The following OTUD7A variants were observed in gnomAD, a reference collection of about 807,000 sequenced individuals.
OTUD7A encodes OTU domain-containing protein 7A.
OTUD7A carries 12 observed loss-of-function variants against 65.7 expected under a neutral mutation model. The observed-to-expected ratio is 0.18, with a 90% CI of 0.12 to 0.30. The LOEUF (loss-of-function observed/expected upper bound fraction) is 0.30. Ranked by LOEUF, OTUD7A falls within the 10% of genes least tolerant of loss-of-function variation. The probability of loss-of-function intolerance (pLI) is 1.00; values close to 1 mark genes in which losing one functional copy is unlikely to be tolerated. For synonymous variants in OTUD7A, 641 were observed against 586.3 expected (o/e 1.09, Z -1.35); for missense variants, 1,148 against 1,304.8 (o/e 0.88, Z 1.85).
intron 1 of OTUD7A, among the ~76,000 whole-genome samples, chr15:31,773,817 A>G: frequency 6.6e-6 from 1 of 152,102 alleles, no homozygotes; most frequent in East Asian, 1.9e-4. Flanking sequence ...TAAATGCTCC[A>G]CTCCTCAAAA....
chr15:31,518,957 C>A (rs1438930464), intron 8 of OTUD7A, among the ~76,000 whole-genome samples: 3 of 152,238 alleles, frequency 2.0e-5, no homozygotes, highest in African/African-American at 7.2e-5. Flanking sequence ...ACGGGGGCCT[C>A]CCAGTGCTTC....
intron 1 of OTUD7A, among the ~76,000 whole-genome samples, chr15:31,745,086 T>C (rs890025487): frequency 2.6e-5 from 4 of 152,122 alleles, no homozygotes; most frequent in East Asian, 1.9e-4. Flanking sequence ...ATTACATTCA[T>C]AGATTCAAAA....
In OTUD7A at chr15:31,487,302, T is replaced by G. The variant is rs372307461; in HGVS notation, c.1287-24A>C. 4 of 1,611,982 alleles carry G rather than the reference T, an allele frequency of 2.5e-6. No individual in the cohort carries two copies. Among genetic ancestry groups the G allele is most frequent in the Non-Finnish European group, 3.4e-6 (4 of 1,178,290 alleles). On this transcript the variant is annotated intron_variant, in intron 11 of 12. Transcript: ENST00000307050. The surrounding 1 kb of genome is among the most constrained non-coding windows in gnomAD (Gnocchi z 6.0). ...GGCTGGCAAGAGAAGAATATCCTAT[T>G]GAAATGGTCTGAGCTGGCCCTTATA...
chr15:31,621,793 T>G (rs1367807493), intron 3 of OTUD7A, among the ~76,000 whole-genome samples: 1 of 149,056 alleles, frequency 6.7e-6, no homozygotes, highest in Non-Finnish European at 1.5e-5. Context: ...TATGTGTGAA[T>G]CTGATACTGC....
intron 1 of OTUD7A, chr15:31,765,952 C>G (rs764563266): frequency 5.7e-5 from 78 of 1,357,058 alleles, no homozygotes; most frequent in Non-Finnish European, 8.0e-5. Context: ...TCTAAAAGTT[C>G]TGCAATTGCA....
At chr15:31,767,613 T>G in intron 1 of OTUD7A, 1 of 807,128 alleles carries the variant, frequency 1.2e-6, no homozygotes, top group Non-Finnish European at 2.2e-6. Flanking sequence ...CCTAAAATAG[T>G]TTGCAGGTAG....
intron 1 of OTUD7A, among the ~76,000 whole-genome samples, chr15:31,679,144 C>T (rs570719317): frequency 6.6e-6 from 1 of 152,294 alleles, no homozygotes; most frequent in Admixed American, 6.5e-5. Flanking sequence ...TTTGTTTTGG[C>T]TAATTTCTCC....
chr15:31,512,383 C>T (rs1163734322), intron 8 of OTUD7A, among the ~76,000 whole-genome samples: 1 of 152,132 alleles, frequency 6.6e-6, no homozygotes, highest in African/African-American at 2.4e-5. Context: ...ATACGGGTCA[C>T]CAAAATTGTT....
At chr15:31,587,116 CTTGACTCTGTTCT>C (rs1889564924) in intron 3 of OTUD7A, among the ~76,000 whole-genome samples, 1 of 152,172 alleles carries the variant, frequency 6.6e-6, no homozygotes, top group South Asian at 2.1e-4. Context: ...ATGCATCATG[CTTGACTCTGTTCT>C]TACCCTCACA....
intron 5 of OTUD7A, among the ~76,000 whole-genome samples, chr15:31,554,864 A>T (rs1397333502): frequency 6.6e-6 from 1 of 152,150 alleles, no homozygotes; most frequent in Non-Finnish European, 1.5e-5. Flanking sequence ...AAAGAACGAA[A>T]GGTGTTTCCC....
At chr15:31,867,288 C>T (rs954251029) in intron 1 of OTUD7A, among the ~76,000 whole-genome samples, 6 of 152,062 alleles carry the variant, frequency 3.9e-5, no homozygotes, top group African/African-American at 9.7e-5. Flanking sequence ...AGCACAGTAA[C>T]GAAACGTTTT....
chr15:31,561,107 T>C (rs1032817199), intron 4 of OTUD7A, among the ~76,000 whole-genome samples: 1 of 152,212 alleles, frequency 6.6e-6, no homozygotes, highest in Non-Finnish European at 1.5e-5. Context: ...TAGATTCACC[T>C]TCAATTTCAT....
chr15:31,698,480 T>C (rs940198728), intron 1 of OTUD7A, among the ~76,000 whole-genome samples: 1 of 152,198 alleles, frequency 6.6e-6, no homozygotes, highest in Non-Finnish European at 1.5e-5. Context: ...TGGAGATTTG[T>C]TAAAAATGCA....
intron 1 of OTUD7A, among the ~76,000 whole-genome samples, chr15:31,808,451 A>G (rs929185638): frequency 6.6e-6 from 1 of 152,178 alleles, no homozygotes; most frequent in African/African-American, 2.4e-5. Flanking sequence ...AAAGAGGAGA[A>G]GGTGCCTGAC....
chr15:31,863,304 C>T lies in OTUD7A; in HGVS notation c.-100+7203G>A, dbSNP rs755708194. Among the ~76,000 whole-genome samples the T allele has an allele frequency of 2.0e-5, 3 of 152,178 alleles. No homozygotes were observed. In the East Asian group the frequency reaches 5.8e-4, roughly 29 times the overall value. ...TGGTGGCCCTCTTCTCATAGCTCCA[C>T]TAGGCAGTGCCCCAGGAGGGACTTG... On this transcript the variant is annotated intron_variant, in intron 1 of 12. Coordinates refer to ENST00000307050, the MANE Select transcript of OTUD7A (RefSeq NM_001382637.1).
In OTUD7A at chr15:31,484,231, C is replaced by T. The variant is rs375688748; in HGVS notation, c.1865G>A (p.Ser622Asn). Residue 622 changes from serine to asparagine, a missense_variant, in exon 13 of 13, where the codon AGC becomes AAC. Ser to Asn is a conservative substitution (Grantham distance 46, BLOSUM62 1). Coordinates refer to ENST00000307050, the MANE Select transcript of OTUD7A (RefSeq NM_001382637.1). This position sits in a 1 kb window ranked among gnomAD's most constrained non-coding sequence, Gnocchi z 4.5. ...GTTGAGGCTCAGCTTCACATCCGTG[C>T]TGTACTTCCAGGCGTCGCCCCGCGG... ...GGPRGDAWKY[S>N]TDVKLSLNIL... is the part of the protein sequence containing the mutation. 3.7e-6 allele frequency: 6 copies of T among 1,604,874 alleles called. No homozygotes were observed. Among genetic ancestry groups the T allele is most frequent in the Non-Finnish European group, 5.1e-6 (6 of 1,177,322 alleles).
At chr15:31,804,480 C>A (rs1205193502) in intron 1 of OTUD7A, among the ~76,000 whole-genome samples, 1 of 152,192 alleles carries the variant, frequency 6.6e-6, no homozygotes, top group African/African-American at 2.4e-5. Flanking sequence ...ACTAAGCCCC[C>A]TCCTCCCCTT....
chr15:31,527,550 G>A (rs952117624), intron 6 of OTUD7A, among the ~76,000 whole-genome samples: 1 of 152,244 alleles, frequency 6.6e-6, no homozygotes, highest in Admixed American at 6.5e-5. Context: ...TGAAAATCAA[G>A]TGCTTTTCCT....
intron 1 of OTUD7A, among the ~76,000 whole-genome samples, chr15:31,798,198 G>A (rs919619697): frequency 3.9e-5 from 6 of 152,056 alleles, no homozygotes; most frequent in African/African-American, 1.5e-4. Context: ...ATCAACACAG[G>A]CATTTTGTGG....
Sources: allele counts gnomAD v4.1 joint callset (sites outside exome capture counted in the v4.1 genomes callset), GRCh38; gene constraint gnomAD v4.1.1; non-coding constraint Gnocchi (gnomAD v3.1); transcripts MANE v1.5; gene names NCBI Gene and HGNC (gene_info 2026-07-23, HGNC 2026-07-21).